Variants in ZNF157 observed in about 807,000 individuals in gnomAD.
ZNF157 encodes zinc finger protein 157.
In ZNF157, 8 loss-of-function variants were observed where a neutral mutation model predicts 9.4. That is an observed-to-expected ratio of 0.85 (90% CI 0.50 to 1.53). The LOEUF (loss-of-function observed/expected upper bound fraction) is 1.53. ZNF157 is among the 40% of genes most tolerant of loss of function. The pLI is 0.00. For missense variants in ZNF157, 316 were observed against 385.2 expected, an observed-to-expected ratio of 0.82 and a Z score of 1.50; for synonymous variants, 120 against 130.8, an observed-to-expected ratio of 0.92 and a Z score of 0.56.
rs776796512 is a variant in ZNF157 at position 47,412,479 on chromosome X, T to C, written c.406T>C (p.Tyr136His). 16 of 1,210,385 alleles carry C rather than the reference T, an allele frequency of 1.3e-5. No individual in the cohort carries two copies. In the African/African-American group the frequency reaches 1.6e-4, roughly 12 times the overall value. ...TCAAACATTGGATCAAAATGTTGAATATAATGGATGCAGGAAAGCCTTCCA... is the reference window on the plus strand; with the variant it reads ...TCAAACATTGGATCAAAATGTTGAACATAATGGATGCAGGAAAGCCTTCCA... ...KIQTLDQNVE[Y>H]NGCRKAFHEK... Residue 136 changes from tyrosine (Y) to histidine (H), a missense_variant, in exon 4 of 4, where the codon TAT becomes CAT. By Grantham distance (83) the Tyr-to-His change is moderately conservative (BLOSUM62 2). Around this residue, in one of 3 missense-constraint regions of ZNF157, gnomAD observed 146 missense variants for 183.8 expected, o/e 0.79. Coordinates refer to ENST00000377073, the MANE Select transcript of ZNF157 (RefSeq NM_003446.4).
At chrX:47,409,762 G>A (rs774930116) in intron 1 of ZNF157, among the ~76,000 whole-genome samples, 63 of 108,477 alleles carry the variant, frequency 5.8e-4, no homozygotes, top group Non-Finnish European at 9.2e-4. Context: ...TCCTGCCTCC[G>A]CCTCCTGAGT....
intron 1 of ZNF157, among the ~76,000 whole-genome samples, chrX:47,387,827 C>G (rs1186296012): frequency 2.3e-5 from 2 of 88,076 alleles, no homozygotes; most frequent in African/African-American, 8.9e-5. Context: ...CACCTGAACA[C>G]AGGAGGCTGA....
intron 1 of ZNF157, among the ~76,000 whole-genome samples, chrX:47,371,839 C>A (rs2055829754): frequency 1.8e-5 from 2 of 111,495 alleles, no homozygotes; most frequent in African/African-American, 3.3e-5. Context: ...GAACTCCTGA[C>A]CTCGTGATCC....
Position 47,413,177 on chromosome X carries a change from G to A in ZNF157, c.1104G>A (p.Arg368=). 5.0e-6 allele frequency: 6 copies of A among 1,210,950 alleles called. No individual in the cohort carries two copies. Among genetic ancestry groups the A allele is most frequent in the Non-Finnish European group, 5.6e-6 (5 of 895,117 alleles). ...GTAATGAATGTGGGAAATCTTTCAGGGTGCACTCATCTCTTGGGATCCATC... is the reference window on the plus strand; with the variant it reads ...GTAATGAATGTGGGAAATCTTTCAGAGTGCACTCATCTCTTGGGATCCATC... ...YQCNECGKSF[R]VHSSLGIHQR... The change falls in exon 4 of 4, where the codon AGG becomes AGA. Residue 368 remains arginine, a synonymous_variant. Transcript: ENST00000377073.
chrX:47,404,810 T>G (rs985961766), intron 1 of ZNF157, among the ~76,000 whole-genome samples: 1 of 111,070 alleles, frequency 9.0e-6, no homozygotes, highest in Non-Finnish European at 1.9e-5. Flanking sequence ...TTTTAAATTT[T>G]TTTTTGACTT....
chrX:47,403,058 C>T (rs58043968), intron 1 of ZNF157, among the ~76,000 whole-genome samples: 26 of 105,585 alleles, frequency 2.5e-4, no homozygotes, highest in African/African-American at 7.2e-4. Context: ...ATCAGGAGTT[C>T]GAGACCAGCC....
At chrX:47,374,998 CTTTTTT>C (rs769541152) in intron 1 of ZNF157, among the ~76,000 whole-genome samples, 1 of 24,989 alleles carries the variant, frequency 4.0e-5, no homozygotes, top group Non-Finnish European at 7.0e-5. Context: ...GGCTGACAAT[CTTTTTT>C]TTTTTTTTTT....
intron 1 of ZNF157, among the ~76,000 whole-genome samples, chrX:47,385,837 G>A (rs2055878098): frequency 9.0e-6 from 1 of 110,683 alleles, no homozygotes; most frequent in Non-Finnish European, 1.9e-5. Context: ...CAAAGTGCTG[G>A]GATTACAGGT....
At chrX:47,386,179 C>T (rs1158790597) in intron 1 of ZNF157, among the ~76,000 whole-genome samples, 1 of 111,577 alleles carries the variant, frequency 9.0e-6, no homozygotes, top group Non-Finnish European at 1.9e-5. Context: ...AGTATCGATT[C>T]CCATGCAATT....
At chrX:47,378,039 A>G (rs1287543743) in intron 1 of ZNF157, among the ~76,000 whole-genome samples, 1 of 111,544 alleles carries the variant, frequency 9.0e-6, no homozygotes. Context: ...CACTAGAGAA[A>G]GAATAATTCA....
Position 47,412,370 on chromosome X carries a change from ATC to A in ZNF157, c.304_305del (p.Ser102ThrfsTer11). ...EESSGHGYSG[S>X]LSLLCGNGSV... is the part of the protein sequence containing the mutation. ...ACATGCTGTGATTTATTTTTAAAGG[ATC>A]TCTCTCACTGCTGTGTGGCAATGGT... is the stretch of plus-strand genomic sequence containing the variant. On this transcript the variant is annotated frameshift_variant and splice_region_variant, in exon 4 of 4. Transcript: ENST00000377073. LOFTEE classifies it low-confidence loss of function (END_TRUNC). The A allele has an allele frequency of 8.5e-7, 1 of 1,178,256 alleles. No individual in the cohort carries two copies. Among genetic ancestry groups the A allele is most frequent in the Non-Finnish European group, 1.1e-6 (1 of 876,685 alleles).
chrX:47,403,859 C>T (rs2055938250), intron 1 of ZNF157, among the ~76,000 whole-genome samples: 1 of 111,421 alleles, frequency 9.0e-6, no homozygotes. Flanking sequence ...ATAGAAATCC[C>T]CAGCAAAGAA....
At chrX:47,405,827 T>C (rs2055945351) in intron 1 of ZNF157, among the ~76,000 whole-genome samples, 1 of 111,140 alleles carries the variant, frequency 9.0e-6, no homozygotes, top group Non-Finnish European at 1.9e-5. Flanking sequence ...CTTTTACATA[T>C]TTTTAGGTTT....
At chrX:47,384,226 C>A (rs899934636) in intron 1 of ZNF157, among the ~76,000 whole-genome samples, 1 of 110,593 alleles carries the variant, frequency 9.0e-6, no homozygotes, top group South Asian at 3.8e-4. Context: ...GGTGACAGAG[C>A]GAGACAAAGT....
At chrX:47,396,343 C>A (rs927172965) in intron 1 of ZNF157, among the ~76,000 whole-genome samples, 2 of 110,675 alleles carry the variant, frequency 1.8e-5, no homozygotes, top group African/African-American at 6.6e-5. Flanking sequence ...AGTTCCAGAG[C>A]AATCTGACCA....
chrX:47,376,375 G>C lies in ZNF157; in HGVS notation c.72+5635G>C, dbSNP rs779424862. Reference sequence around the variant, plus strand: ...CACACCTATAATCCCAGCACTTTGGGAGGCTGAGGCAGGTGGATCACCTGA... The same window carrying C: ...CACACCTATAATCCCAGCACTTTGGCAGGCTGAGGCAGGTGGATCACCTGA... On this transcript the variant is annotated intron_variant, in intron 1 of 3. Coordinates refer to ENST00000377073, the MANE Select transcript of ZNF157 (RefSeq NM_003446.4). 9.8e-5 allele frequency among the ~76,000 whole-genome samples: 11 copies of C among 112,227 alleles called. No individual in the cohort carries two copies. The South Asian group carries it at 4.0e-3, about 41-fold the overall frequency.
At chrX:47,404,620 G>T (rs2055941301) in intron 1 of ZNF157, among the ~76,000 whole-genome samples, 1 of 110,952 alleles carries the variant, frequency 9.0e-6, no homozygotes, top group Non-Finnish European at 1.9e-5. Flanking sequence ...CTTAAGCATA[G>T]AAAAAAGCCT....
chrX:47,411,831 C>T (rs772633901), intron 3 of ZNF157, among the ~76,000 whole-genome samples: 66 of 111,788 alleles, frequency 5.9e-4, no homozygotes, highest in Non-Finnish European at 1.1e-3. Flanking sequence ...TATCTCTGTT[C>T]TCTTGGAGCT....
At chrX:47,379,107 C>T (rs762206731) in intron 1 of ZNF157, among the ~76,000 whole-genome samples, 54 of 110,625 alleles carry the variant, frequency 4.9e-4, no homozygotes, top group Non-Finnish European at 6.2e-4. Context: ...TAATGCACAA[C>T]GTACTGTTTT....
Sources: allele counts gnomAD v4.1 joint callset (sites outside exome capture counted in the v4.1 genomes callset), GRCh38; gene constraint gnomAD v4.1.1; regional missense constraint gnomAD v4.1.1; transcripts MANE v1.5; gene names NCBI Gene and HGNC (gene_info 2026-07-23, HGNC 2026-07-21).